The following PRDM5 variants were observed in gnomAD, a reference collection of about 807,000 sequenced individuals.
PRDM5 encodes the protein PR domain zinc finger protein 5.
Under a neutral mutation model 81.2 loss-of-function variants are expected in PRDM5, and 56 were observed. The observed-to-expected ratio is 0.69, with a 90% CI of 0.56 to 0.86. The LOEUF (loss-of-function observed/expected upper bound fraction) is 0.86, where lower values mean the gene tolerates loss of function less well. PRDM5 is among the 40% of genes least tolerant of loss of function. PRDM5 has a pLI of 0.00. For synonymous variants in PRDM5, 267 were observed against 256.4 expected (o/e 1.04, Z -0.39); for missense variants, 697 against 770.1 (o/e 0.91, Z 1.12).
intron 2 of PRDM5, among the ~76,000 whole-genome samples, chr4:120,895,840 C>G (rs1356069563): frequency 2.0e-5 from 3 of 152,160 alleles, no homozygotes; most frequent in Non-Finnish European, 2.9e-5. Context: ...CCATGCCTGG[C>G]TAATTTATTT....
intron 1 of PRDM5, among the ~76,000 whole-genome samples, chr4:120,917,181 A>C: frequency 1.3e-5 from 2 of 151,960 alleles, no homozygotes; most frequent in African/African-American, 2.4e-5. Flanking sequence ...AGCCACACTG[A>C]CCTCCTTGTG....
At chr4:120,791,231 A>G (rs1750529317) in intron 10 of PRDM5, among the ~76,000 whole-genome samples, 1 of 152,228 alleles carries the variant, frequency 6.6e-6, no homozygotes. Flanking sequence ...AAAGTTTTAT[A>G]TAAAAGGATG....
chr4:120,872,857 TAG>T (rs1761973095), intron 2 of PRDM5, among the ~76,000 whole-genome samples: 1 of 152,080 alleles, frequency 6.6e-6, no homozygotes, highest in South Asian at 2.1e-4. Context: ...TTAAAGGATA[TAG>T]AGTTTCCGAT....
At chr4:120,725,036 T>C (rs1739193958) in intron 14 of PRDM5, among the ~76,000 whole-genome samples, 1 of 152,236 alleles carries the variant, frequency 6.6e-6, no homozygotes, top group Admixed American at 6.5e-5. Flanking sequence ...GGCAGAGATC[T>C]TGCTAGATTT....
In PRDM5 at chr4:120,694,291, A is replaced by T. The variant is rs1227836425; in HGVS notation, c.*820T>A. 1 of 152,070 alleles carries T rather than the reference A, an allele frequency of 6.6e-6. No homozygotes were observed. Among genetic ancestry groups the T allele is most frequent in the East Asian group, 1.9e-4 (1 of 5,194 alleles). 9.4% of individuals were successfully genotyped at this position (152,070 alleles called of 1,614,324 possible). A position where few individuals can be genotyped will look rare whatever the true frequency, so the allele number is the denominator to read the frequency against. On this transcript the variant is annotated 3_prime_UTR_variant, in exon 16 of 16. Coordinates refer to ENST00000264808, the MANE Select transcript of PRDM5 (RefSeq NM_018699.4). ...ATTTGGTTTCTATTTTTAATTATAT[A>T]TATTGGTATACTGTTAATTTCTAAA... is the stretch of plus-strand genomic sequence containing the variant.
chr4:120,830,029 A>G (rs1003789141), intron 3 of PRDM5, among the ~76,000 whole-genome samples: 1 of 152,118 alleles, frequency 6.6e-6, no homozygotes, highest in African/African-American at 2.4e-5. Flanking sequence ...CTGTGTATCG[A>G]TATGTCTATA....
chr4:120,894,477 G>A (rs539530995), intron 2 of PRDM5, among the ~76,000 whole-genome samples: 4 of 151,990 alleles, frequency 2.6e-5, no homozygotes, highest in East Asian at 1.9e-4. Flanking sequence ...TTCTTCTGGC[G>A]CAAGTCAGCT....
At chr4:120,733,670 A>G (rs1040672428) in intron 14 of PRDM5, among the ~76,000 whole-genome samples, 1 of 152,198 alleles carries the variant, frequency 6.6e-6, no homozygotes, top group South Asian at 2.1e-4. Flanking sequence ...AGAGAACTCC[A>G]GGTGGCTGAG....
At chr4:120,716,492 C>A (rs11732180) in intron 14 of PRDM5, among the ~76,000 whole-genome samples, 1 of 152,052 alleles carries the variant, frequency 6.6e-6, no homozygotes, top group Non-Finnish European at 1.5e-5. Context: ...CACGAGCATA[C>A]TTCTATGTTA....
intron 2 of PRDM5, among the ~76,000 whole-genome samples, chr4:120,859,235 C>A (rs1760280642): frequency 6.7e-6 from 1 of 148,524 alleles, no homozygotes; most frequent in Non-Finnish European, 1.5e-5. Context: ...TTAGAAACAG[C>A]ATCTCTGTTG....
At chr4:120,746,139 A>T (rs1351047990) in intron 14 of PRDM5, among the ~76,000 whole-genome samples, 1 of 53,398 alleles carries the variant, frequency 1.9e-5, no homozygotes, top group Non-Finnish European at 3.5e-5. Context: ...CATATCTACA[A>T]CTATCTGATC....
At chr4:120,867,015 G>C (rs1224629666) in intron 2 of PRDM5, among the ~76,000 whole-genome samples, 1 of 152,188 alleles carries the variant, frequency 6.6e-6, no homozygotes, top group Non-Finnish European at 1.5e-5. Context: ...AGGGTGGCCT[G>C]AGAGGGGCCA....
At chr4:120,885,150 A>AGT (rs1326707190) in intron 2 of PRDM5, among the ~76,000 whole-genome samples, 5 of 144,404 alleles carry the variant, frequency 3.5e-5, no homozygotes, top group African/African-American at 8.2e-5. Context: ...AAAAAAAAAA[A>AGT]AAAAAAGTAA....
intron 2 of PRDM5, among the ~76,000 whole-genome samples, chr4:120,861,901 T>C (rs566623648): frequency 8.5e-5 from 13 of 152,216 alleles, no homozygotes; most frequent in South Asian, 6.2e-4. Context: ...CATCATGTAA[T>C]CCACAGGGAG....
At chr4:120,724,174 T>C (rs1005088860) in intron 14 of PRDM5, among the ~76,000 whole-genome samples, 13 of 152,200 alleles carry the variant, frequency 8.5e-5, no homozygotes, top group African/African-American at 2.4e-4. Flanking sequence ...ATCAAGATAA[T>C]TCCCATGATT....
chr4:120,846,896 G>A (rs899419340), intron 3 of PRDM5, among the ~76,000 whole-genome samples: 2 of 152,100 alleles, frequency 1.3e-5, no homozygotes, highest in East Asian at 1.9e-4. Context: ...TGGGTTGAAT[G>A]AATGAGTTAA....
chr4:120,819,626 GA>G (rs1353118658), intron 4 of PRDM5, among the ~76,000 whole-genome samples: 1 of 152,104 alleles, frequency 6.6e-6, no homozygotes, highest in Admixed American at 6.5e-5. Context: ...TTTTTACAAA[GA>G]TAATGAAAAC....
intron 14 of PRDM5, among the ~76,000 whole-genome samples, chr4:120,745,654 C>T (rs1317373662): frequency 7.4e-6 from 1 of 135,072 alleles, no homozygotes; most frequent in East Asian, 2.2e-4. Context: ...AAACAGAGAG[C>T]CAAATCATGA....
At chr4:120,742,466 T>G (rs1466627059) in intron 14 of PRDM5, among the ~76,000 whole-genome samples, 1 of 152,116 alleles carries the variant, frequency 6.6e-6, no homozygotes, top group Non-Finnish European at 1.5e-5. Flanking sequence ...AGGCTTCAGA[T>G]GATCAAATTA....
Sources: allele counts gnomAD v4.1 joint callset (sites outside exome capture counted in the v4.1 genomes callset), GRCh38; gene constraint gnomAD v4.1.1; transcripts MANE v1.5; gene names NCBI Gene and HGNC (gene_info 2026-07-23, HGNC 2026-07-21).